Variants in PCDH15 observed in about 807,000 individuals in gnomAD.
PCDH15 encodes protocadherin-15.
Under a neutral mutation model 178.5 loss-of-function variants are expected in PCDH15, and 129 were observed. That is an observed-to-expected ratio of 0.72 (90% CI 0.63 to 0.84). The LOEUF (loss-of-function observed/expected upper bound fraction) is 0.84, where lower values mean the gene tolerates loss of function less well. Ranked by LOEUF, PCDH15 falls within the 40% of genes least tolerant of loss-of-function variation. The pLI is 0.00. For missense variants in PCDH15, 2,230 were observed against 2,099.9 expected (o/e 1.06, Z -1.21); for synonymous variants, 800 against 732.0 (o/e 1.09, Z -1.50).
At chr10:54,221,076 C>T (rs1242955132) in intron 9 of PCDH15, among the ~76,000 whole-genome samples, 1 of 151,920 alleles carries the variant, frequency 6.6e-6, no homozygotes, top group Non-Finnish European at 1.5e-5. Context: ...ACCTGTAGTC[C>T]CACCTACTGG....
intron 2 of PCDH15, among the ~76,000 whole-genome samples, chr10:55,054,353 G>T (rs2131991452): frequency 6.6e-6 from 1 of 152,144 alleles, no homozygotes; most frequent in East Asian, 1.9e-4. Flanking sequence ...AAAAGGACAT[G>T]ATCTCATTCA....
At chr10:55,306,884 A>G (rs555703229) in intron 1 of PCDH15, among the ~76,000 whole-genome samples, 2 of 152,180 alleles carry the variant, frequency 1.3e-5, no homozygotes, top group African/African-American at 2.4e-5. Context: ...TGGCACAATG[A>G]AGGAAAAATA....
In PCDH15 at chr10:53,878,310, A is replaced by G. The variant is rs1416203766; in HGVS notation, c.3502-11453T>C. ...CTTTGAATATATATATAGACTATAT[A>G]TATTCTATATATATAGTCTATATAG... On this transcript the variant is annotated intron_variant, in intron 26 of 37. Coordinates refer to ENST00000644397, the MANE Select transcript of PCDH15 (RefSeq NM_001384140.1). Among the ~76,000 whole-genome samples the G allele has an allele frequency of 3.8e-5, 3 of 78,034 alleles. No individual in the cohort carries two copies. In the East Asian group the frequency reaches 1.5e-3, roughly 39 times the overall value. The allele number at this position is 78,034 out of a possible 152,430, so 51.2% of individuals were successfully genotyped here.
intron 2 of PCDH15, among the ~76,000 whole-genome samples, chr10:55,517,591 G>T (rs1357948315): frequency 2.0e-5 from 3 of 152,006 alleles, no homozygotes; most frequent in African/African-American, 4.8e-5. Flanking sequence ...GAGAATAGTG[G>T]TTTTTTTACA....
At chr10:55,593,097 A>C (rs1239346659) in intron 2 of PCDH15, among the ~76,000 whole-genome samples, 1 of 151,938 alleles carries the variant, frequency 6.6e-6, no homozygotes, top group Non-Finnish European at 1.5e-5. Context: ...CCAACTTTAT[A>C]ATTGCTAGTT....
In PCDH15 at chr10:53,822,759, A is replaced by G. The variant is rs1024187057; in HGVS notation, c.4368-2529T>C. The G allele has an allele frequency of 2.5e-6, 4 of 1,613,866 alleles. No individual in the cohort carries two copies. In the African/African-American group the frequency reaches 4.0e-5, roughly 16 times the overall value. ...AAAGCAAAATGAAGAGTCTGAAGAG[A>G]GAGATTTCAACTGTTCTGTTCCTTC... On this transcript the variant is annotated intron_variant, in intron 32 of 37. Coordinates refer to ENST00000644397, the MANE Select transcript of PCDH15 (RefSeq NM_001384140.1).
intron 2 of PCDH15, among the ~76,000 whole-genome samples, chr10:55,544,139 CATAT>C (rs1176456895): frequency 2.0e-3 from 107 of 54,318 alleles, no homozygotes; most frequent in Admixed American, 4.5e-3. Flanking sequence ...CTTATACATA[CATAT>C]ATATATATAT....
intron 26 of PCDH15, among the ~76,000 whole-genome samples, chr10:53,884,001 C>A (rs2080916968): frequency 6.7e-6 from 1 of 150,202 alleles, no homozygotes; most frequent in South Asian, 2.1e-4. Context: ...CAGGCGTGAG[C>A]CACTGTGCCT....
At chr10:54,214,694 T>G (rs2051814535) in intron 9 of PCDH15, among the ~76,000 whole-genome samples, 1 of 152,036 alleles carries the variant, frequency 6.6e-6, no homozygotes, top group African/African-American at 2.4e-5. Context: ...CCGGTTCAAG[T>G]GGTTCCCCTG....
chr10:54,920,345 C>A lies in PCDH15; in HGVS notation c.-79-22845G>T, dbSNP rs578043967. Among the ~76,000 whole-genome samples, 37 of 151,868 alleles carry A rather than the reference C, an allele frequency of 2.4e-4. 1 individual carries two copies. Among genetic ancestry groups the A allele is most frequent in the Admixed American group, 3.9e-4 (6 of 15,230 alleles). The stretch of plus-strand genomic sequence containing the variant: ...ATTAGCCGGGCATGGTGGCGGGCAC[C>A]TGTAGTCCCAGCTACTCGGGAGATG... On this transcript the variant is annotated intron_variant, in intron 2 of 5. Coordinates refer to the PCDH15 transcript ENST00000458638.
At chr10:54,134,874 T>C (rs373107934) in intron 14 of PCDH15, among the ~76,000 whole-genome samples, 2 of 151,934 alleles carry the variant, frequency 1.3e-5, no homozygotes, top group Admixed American at 6.6e-5. Context: ...AGTAGATAGA[T>C]ACCAATAGAA....
chr10:55,199,494 A>C (rs759284898), intron 1 of PCDH15, among the ~76,000 whole-genome samples: 4 of 152,134 alleles, frequency 2.6e-5, no homozygotes, highest in Non-Finnish European at 4.4e-5. Flanking sequence ...AGATCATAAA[A>C]GTTTGGAAAA....
chr10:54,829,976 A>G (rs367608690), intron 3 of PCDH15, among the ~76,000 whole-genome samples: 17 of 152,172 alleles, frequency 1.1e-4, no homozygotes, highest in East Asian at 9.7e-4. Context: ...CCTTTGCTCC[A>G]TTATTTGTAG....
chr10:54,527,835 G>C lies in PCDH15; in HGVS notation c.134C>G (p.Ala45Gly). The change falls in exon 3 of 38, where the codon GCT becomes GGT. Residue 45 changes from alanine (A) to glycine (G), a missense_variant. Transcript: ENST00000644397. ...ACCATTCCGACTTTCTTCATCAATA[G>C]CAACTATGGTAGCTGGTGGTCCTCC... Reference protein sequence around the residue: ...ARGGPPATIVAIDEESRNGTI... With the variant: ...ARGGPPATIVGIDEESRNGTI... 1 of 1,611,132 alleles carries C rather than the reference G, an allele frequency of 6.2e-7. No homozygotes were observed. Among genetic ancestry groups the C allele is most frequent in the African/African-American group, 1.3e-5 (1 of 74,940 alleles).
chr10:54,464,916 T>A (rs984466104), intron 3 of PCDH15, among the ~76,000 whole-genome samples: 1 of 152,090 alleles, frequency 6.6e-6, no homozygotes, highest in Non-Finnish European at 1.5e-5. Flanking sequence ...AAATTTAGTG[T>A]TGGAGATTGA....
At chr10:55,363,177 G>A (rs1448367770) in intron 2 of PCDH15, among the ~76,000 whole-genome samples, 1 of 152,064 alleles carries the variant, frequency 6.6e-6, no homozygotes, top group Non-Finnish European at 1.5e-5. Context: ...AAGAGGTCTT[G>A]CACATTTCAA....
At chr10:54,386,100 TTGTGTGTGTGTGTGTGTGTG>T (rs60205554) in intron 3 of PCDH15, among the ~76,000 whole-genome samples, 1 of 139,782 alleles carries the variant, frequency 7.2e-6, no homozygotes, top group Non-Finnish European at 1.5e-5. Context: ...TAGTTATTAG[TTGTGTGTGTGTGTGTGTGTG>T]TGTGTGTGTG....
At chr10:54,400,921 G>A (rs1293871648) in intron 3 of PCDH15, among the ~76,000 whole-genome samples, 3 of 151,898 alleles carry the variant, frequency 2.0e-5, no homozygotes, top group Non-Finnish European at 2.9e-5. Context: ...ATTTTTATAG[G>A]TATTGTTCAT....
chr10:55,582,979 T>C (rs139370591), intron 2 of PCDH15, among the ~76,000 whole-genome samples: 53 of 152,252 alleles, frequency 3.5e-4, no homozygotes, highest in Admixed American at 2.7e-3. Context: ...CATGATGAAA[T>C]TGTCATAAAT....
Sources: allele counts gnomAD v4.1 joint callset (sites outside exome capture counted in the v4.1 genomes callset), GRCh38; gene constraint gnomAD v4.1.1; transcripts MANE v1.5; gene names NCBI Gene and HGNC (gene_info 2026-07-23, HGNC 2026-07-21).